The following FBXO34 variants were observed in gnomAD, a reference collection of about 807,000 sequenced individuals.
FBXO34 encodes F-box protein 34.
In FBXO34, 12 loss-of-function variants were observed where a neutral mutation model predicts 24.5. That is an observed-to-expected ratio of 0.49 (90% CI 0.31 to 0.79). The LOEUF is 0.79. FBXO34 is among the 30% of genes least tolerant of loss of function. The pLI, the probability that FBXO34 is intolerant of heterozygous loss-of-function variation, is 0.04. For missense variants in FBXO34, 823 were observed against 857.7 expected, an observed-to-expected ratio of 0.96 and a Z score of 0.51; for synonymous variants, 320 against 311.9, an observed-to-expected ratio of 1.03 and a Z score of -0.27.
the FBXO34 span, among the ~76,000 whole-genome samples, chr14:55,399,736 G>A: frequency 2.6e-5 from 4 of 152,278 alleles, no homozygotes; most frequent in South Asian, 8.3e-4. Flanking sequence ...TCACAAGTTA[G>A]CAATCTCAAA....
chr14:55,278,759 C>T (rs1881429872), intron 1 of FBXO34, among the ~76,000 whole-genome samples: 1 of 152,194 alleles, frequency 6.6e-6, no homozygotes, highest in African/African-American at 2.4e-5. Context: ...GCTAACAAGG[C>T]TCACTGCAGC....
the FBXO34 span, chr14:55,428,715 C>G: frequency 7.7e-7 from 1 of 1,300,346 alleles, no homozygotes; most frequent in East Asian, 2.4e-5. Flanking sequence ...TTTTTAATCA[C>G]AATTTCTCTG....
intron 1 of FBXO34, among the ~76,000 whole-genome samples, chr14:55,323,414 C>G (rs891876550): frequency 6.7e-6 from 1 of 149,218 alleles, no homozygotes; most frequent in Middle Eastern, 3.4e-3. Context: ...GATGTAATCT[C>G]GCTCTGTCCC....
the FBXO34 span, chr14:55,433,725 T>C: frequency 1.2e-6 from 2 of 1,613,456 alleles, no homozygotes; most frequent in African/African-American, 1.3e-5. Context: ...CAAACCTCTA[T>C]ACCCAGAAAC....
chr14:55,415,802 G>C, the FBXO34 span, among the ~76,000 whole-genome samples: 1 of 152,088 alleles, frequency 6.6e-6, no homozygotes, highest in Non-Finnish European at 1.5e-5. Context: ...GGAGGCGGGG[G>C]TTGCAATGAG....
downstream of FBXO34, among the ~76,000 whole-genome samples, chr14:55,373,376 CAG>C (rs1884859108): frequency 6.6e-6 from 1 of 152,100 alleles, no homozygotes; most frequent in Non-Finnish European, 1.5e-5. Context: ...TTGATGGACA[CAG>C]AAACTGCACA....
At chr14:55,275,811 G>A (rs536641754) in intron 1 of FBXO34, among the ~76,000 whole-genome samples, 2 of 124,174 alleles carry the variant, frequency 1.6e-5, no homozygotes, top group South Asian at 2.9e-4. Context: ...GTGACAGAGC[G>A]AGACTCTGTC....
chr14:55,428,806 C>A, the FBXO34 span: 1 of 1,613,330 alleles, frequency 6.2e-7, no homozygotes, highest in Non-Finnish European at 8.5e-7. Context: ...AACCGTCATA[C>A]CTACTGAACT....
At chr14:55,402,927 ATATATATATATATATAT>A in the FBXO34 span, among the ~76,000 whole-genome samples, 1 of 8,928 alleles carries the variant, frequency 1.1e-4, no homozygotes, top group Admixed American at 1.2e-3. Flanking sequence ...AAAAAAAAAA[ATATATATATATATATAT>A]ATATATATAT....
chr14:55,321,164 G>GTTT (rs11454602), intron 1 of FBXO34, among the ~76,000 whole-genome samples: 3 of 140,898 alleles, frequency 2.1e-5, no homozygotes, highest in East Asian at 2.0e-4. Flanking sequence ...GATATGGGCG[G>GTTT]TTTTTTTTTT....
chr14:55,407,183 C>T, the FBXO34 span, among the ~76,000 whole-genome samples: 3 of 152,178 alleles, frequency 2.0e-5, no homozygotes, highest in African/African-American at 7.2e-5. Flanking sequence ...GGCTGGAGTG[C>T]AATGGTGTGA....
intron 1 of FBXO34, among the ~76,000 whole-genome samples, chr14:55,273,892 G>A (rs545422992): frequency 5.9e-5 from 9 of 152,146 alleles, no homozygotes; most frequent in East Asian, 3.9e-4. Flanking sequence ...TGCAACCTCC[G>A]CCTCCCGGGT....
At chr14:55,440,326 A>C in the FBXO34 span, 10 of 1,573,846 alleles carry the variant, frequency 6.4e-6, no homozygotes, top group Non-Finnish European at 8.6e-6. Context: ...AGAGGAACGA[A>C]GGCAAAGCCC....
Position 55,300,293 on chromosome 14 carries a change from T to C in FBXO34, c.-11+28756T>C, listed in dbSNP as rs565801727. 2.0e-5 allele frequency among the ~76,000 whole-genome samples: 3 copies of C among 152,300 alleles called. No homozygotes were observed. In the East Asian group the frequency reaches 5.8e-4, roughly 29 times the overall value. On this transcript the variant is annotated intron_variant, in intron 1 of 1. Coordinates refer to ENST00000313833, the MANE Select transcript of FBXO34 (RefSeq NM_017943.4). ...TACCTCTCTTTGGTAATGTTTTTTG[T>C]TCAAGAAACCACGTTGTGGCCGGGC...
chr14:55,350,550 G>T lies in FBXO34; in HGVS notation c.160G>T (p.Gly54Cys). 1 of 1,613,136 alleles carries T rather than the reference G, an allele frequency of 6.2e-7. No individual in the cohort carries two copies. Among genetic ancestry groups the T allele is most frequent in the Non-Finnish European group, 8.5e-7 (1 of 1,179,784 alleles). Residue 54 changes from glycine to cysteine, a missense_variant, in exon 2 of 2, where the codon GGT (glycine) becomes TGT (cysteine). Transcript: ENST00000313833. ...AAGTGTCTTTCCTTCAGCCTCTCTC[G>T]GTAAAGCATCATCTCGAAAGCCATT... is the stretch of plus-strand genomic sequence containing the variant. ...TSSVFPSASLGKASSRKPFGI... is the reference protein window; with the variant it reads ...TSSVFPSASLCKASSRKPFGI...
chr14:55,372,097 ATATC>A (rs1884832448), downstream of FBXO34, among the ~76,000 whole-genome samples: 1 of 151,936 alleles, frequency 6.6e-6, no homozygotes, highest in Admixed American at 6.6e-5. Flanking sequence ...CCACTCCCAA[ATATC>A]CTCTGGTTAC....
Position 55,361,173 on chromosome 14 carries a change from C to T in FBXO34, c.*589-560C>T, listed in dbSNP as rs535292766. Reference sequence around the variant, plus strand: ...TACAAAATGTATTTCTTAAATAAGACTTGAAAGTCAAAATTACTCCTTGAG... The same window carrying T: ...TACAAAATGTATTTCTTAAATAAGATTTGAAAGTCAAAATTACTCCTTGAG... On this transcript the variant is annotated intron_variant and NMD_transcript_variant, in intron 3 of 3. Coordinates refer to the FBXO34 transcript ENST00000555280. Among the ~76,000 whole-genome samples, 20 of 152,286 alleles carry T rather than the reference C, an allele frequency of 1.3e-4. No individual in the cohort carries two copies. In the East Asian group the frequency reaches 3.5e-3, roughly 26 times the overall value.
At chr14:55,377,877 G>A in the FBXO34 span, 11 of 1,607,188 alleles carry the variant, frequency 6.8e-6, no homozygotes, top group Non-Finnish European at 9.3e-6. Flanking sequence ...AGGGTATGCA[G>A]TGGTTGTAAT....
At chr14:55,369,354 G>C (rs975623665), downstream of FBXO34, 23 of 280,752 alleles carry the variant, frequency 8.2e-5, no homozygotes, top group Admixed American at 4.0e-4. Flanking sequence ...CTGGCCACAC[G>C]CACAGGTCCT....
Sources: allele counts gnomAD v4.1 joint callset (sites outside exome capture counted in the v4.1 genomes callset), GRCh38; gene constraint gnomAD v4.1.1; transcripts MANE v1.5; gene names NCBI Gene and HGNC (gene_info 2026-07-23, HGNC 2026-07-21).